ST7: variants seen among roughly 807,000 people sequenced by gnomAD.
ST7 encodes suppressor of tumorigenicity 7 protein.
In ST7, 28 loss-of-function variants were observed where a neutral mutation model predicts 78.7. The ratio of observed to expected loss-of-function variants is 0.36; its 90% CI spans 0.26 to 0.49. The LOEUF (loss-of-function observed/expected upper bound fraction) is 0.49. Among genes scored for constraint, ST7 ranks in the 20% least tolerant of loss-of-function variants. The pLI is 0.99. For synonymous variants in ST7, 247 were observed against 249.6 expected, an observed-to-expected ratio of 0.99 and a Z score of 0.10; for missense variants, 418 against 696.0, an observed-to-expected ratio of 0.60 and a Z score of 4.49.
intron 12 of ST7, chr7:117,198,483 C>T: frequency 3.1e-6 from 1 of 318,530 alleles, no homozygotes; most frequent in Non-Finnish European, 6.2e-6. Flanking sequence ...AGGGGAGGCT[C>T]TAGCATGTTC....
At chr7:117,159,693 C>T (rs538009562) in intron 9 of ST7, among the ~76,000 whole-genome samples, 13 of 152,162 alleles carry the variant, frequency 8.5e-5, no homozygotes, top group South Asian at 4.2e-4. Context: ...ATAAATAAAT[C>T]GAGTTATGTT....
intron 1 of ST7, chr7:116,972,922 C>T (rs1793506159): frequency 1.5e-6 from 2 of 1,310,536 alleles, no homozygotes; most frequent in Non-Finnish European, 2.2e-6. Context: ...GGTGCCCACT[C>T]AGCTACTGCT....
chr7:117,190,692 C>G lies in ST7; in HGVS notation c.1152-142C>G. The stretch of plus-strand genomic sequence containing the variant: ...GCTGGCCTCGGTCCGTGGGGTCACT[C>G]AGAGGTTCCATGCAGTAGAAGTTTG... On this transcript the variant is annotated intron_variant, in intron 11 of 15. Coordinates refer to ENST00000323984, the MANE Select transcript of ST7 (RefSeq NM_001369598.1). The surrounding 1 kb of genome is among the most constrained non-coding windows in gnomAD (Gnocchi z 5.2). 1.6e-6 allele frequency: 1 copy of G among 635,700 alleles called. No homozygotes were observed. The highest frequency in any genetic ancestry group is 2.7e-6 in the Non-Finnish European group (1 of 363,928). The allele number at this position is 635,700 out of a possible 1,614,324, so 39.4% of individuals were successfully genotyped here.
rs1418632756 is a variant in ST7 at position 117,222,142 on chromosome 7, GT to G, written c.1638+82del. ...ATAAAAGCAGCGTGAGAGAAATGGG[GT>G]TGCCTTACAGAAATGGGTACGAGCC... On this transcript the variant is annotated intron_variant, in intron 15 of 15. Transcript: ENST00000323984. 67 of 1,485,734 alleles carry G rather than the reference GT, an allele frequency of 4.5e-5. No individual in the cohort carries two copies. The African/African-American group carries it at 8.9e-4, about 20-fold the overall frequency. The allele number at this position is 1,485,734 out of a possible 1,614,324, so 92.0% of individuals were successfully genotyped here. A position where few individuals can be genotyped will look rare whatever the true frequency, so the allele number is the denominator to read the frequency against.
At chr7:117,099,125 T>C (rs1244224577) in intron 1 of ST7, among the ~76,000 whole-genome samples, 2 of 150,970 alleles carry the variant, frequency 1.3e-5, no homozygotes, top group African/African-American at 4.9e-5. Flanking sequence ...TAGAGGTTTA[T>C]TTTTCATTTA....
At position 117,097,909 on chromosome 7, in the gene ST7, T is replaced by TATATATATATA. The variant is rs1554436004; in HGVS notation, c.152-1853_152-1852insATATATATATA. ...ATATATATATATATATATATATATA[T>TATATATATATA]TTTTTTTTTTTTTTTTTTTGATGGC... is the stretch of plus-strand genomic sequence containing the variant. On this transcript the variant is annotated intron_variant, in intron 1 of 15. Transcript: ENST00000323984. Among the ~76,000 whole-genome samples, 75 of 15,294 alleles carry TATATATATATA rather than the reference T, an allele frequency of 4.9e-3. 1 individual carries two copies. The highest frequency in any genetic ancestry group is 8.1e-3 in the African/African-American group (39 of 4,796). The allele number at this position is 15,294 out of a possible 152,430, so 10.0% of individuals were successfully genotyped here. A position where few individuals can be genotyped will look rare whatever the true frequency, so the allele number is the denominator to read the frequency against.
intron 5 of ST7, 179 bp downstream of exon 5, chr7:117,130,785 T>C (rs1038129956): frequency 2.1e-6 from 1 of 470,324 alleles, no homozygotes; most frequent in Non-Finnish European, 3.7e-6. Flanking sequence ...ATGAAGTATT[T>C]ATGTTGAAAT....
intron 15 of ST7, chr7:117,224,001 C>T: frequency 2.1e-6 from 2 of 946,088 alleles, no homozygotes; most frequent in Non-Finnish European, 2.5e-6. Context: ...TAATCATAGC[C>T]TCTTAGAGTT....
chr7:117,071,439 T>C (rs1341249182), intron 1 of ST7, among the ~76,000 whole-genome samples: 1 of 152,244 alleles, frequency 6.6e-6, no homozygotes, highest in Non-Finnish European at 1.5e-5. Context: ...TTTAATATTC[T>C]ATGGAACTTA....
intron 10 of ST7, among the ~76,000 whole-genome samples, chr7:117,177,603 G>A (rs530653394): frequency 6.6e-6 from 1 of 152,284 alleles, no homozygotes; most frequent in African/African-American, 2.4e-5. Context: ...ATTTTTCTGG[G>A]TGTAGTTGAA....
intron 13 of ST7, among the ~76,000 whole-genome samples, chr7:117,218,323 G>T (rs1443282346): frequency 6.6e-6 from 1 of 152,108 alleles, no homozygotes; most frequent in Admixed American, 6.5e-5. Flanking sequence ...GGAACAGTGA[G>T]ACTAACATGC....
intron 1 of ST7, among the ~76,000 whole-genome samples, chr7:117,032,654 C>T (rs1350899465): frequency 6.6e-6 from 1 of 152,130 alleles, no homozygotes; most frequent in Non-Finnish European, 1.5e-5. Flanking sequence ...AGTCCTTAAA[C>T]TTGAAGCCAT....
intron 15 of ST7, among the ~76,000 whole-genome samples, chr7:117,224,470 A>G (rs1584643178): frequency 6.6e-6 from 1 of 152,304 alleles, no homozygotes; most frequent in East Asian, 1.9e-4. Context: ...AGTTGCCAAA[A>G]CTCTGAGTAG....
intron 2 of ST7, among the ~76,000 whole-genome samples, chr7:117,112,969 C>T (rs1332973102): frequency 3.3e-5 from 5 of 152,158 alleles, no homozygotes; most frequent in African/African-American, 9.7e-5. Context: ...TGATACCTCT[C>T]GTGGACTGAT....
chr7:117,159,235 A>G (rs533988844), intron 9 of ST7, among the ~76,000 whole-genome samples: 117 of 152,186 alleles, frequency 7.7e-4, no homozygotes, highest in African/African-American at 2.6e-3. Context: ...TTTTTTTCCC[A>G]TTTGAGCTCA....
chr7:117,054,600 T>G (rs964899014), intron 1 of ST7, among the ~76,000 whole-genome samples: 1 of 152,218 alleles, frequency 6.6e-6, no homozygotes, highest in African/African-American at 2.4e-5. Flanking sequence ...TCACACTTTG[T>G]CTGTGCTATA....
At chr7:116,986,816 T>C (rs1272616086) in intron 1 of ST7, among the ~76,000 whole-genome samples, 1 of 152,182 alleles carries the variant, frequency 6.6e-6, no homozygotes, top group Non-Finnish European at 1.5e-5. Flanking sequence ...GGATTAGATA[T>C]GGTTACTAAA....
At chr7:117,228,458 G>A (rs1190329608) in intron 15 of ST7, among the ~76,000 whole-genome samples, 2 of 152,156 alleles carry the variant, frequency 1.3e-5, no homozygotes, top group African/African-American at 4.8e-5. Flanking sequence ...AACACAGATT[G>A]GAGAAGGATC....
At chr7:117,034,922 T>C (rs1796798181) in intron 1 of ST7, among the ~76,000 whole-genome samples, 1 of 152,194 alleles carries the variant, frequency 6.6e-6, no homozygotes, top group African/African-American at 2.4e-5. Flanking sequence ...TTAGGATTTA[T>C]ACTAACATGC....
Sources: allele counts gnomAD v4.1 joint callset (sites outside exome capture counted in the v4.1 genomes callset), GRCh38; gene constraint gnomAD v4.1.1; non-coding constraint Gnocchi (gnomAD v3.1); transcripts MANE v1.5; gene names NCBI Gene and HGNC (gene_info 2026-07-23, HGNC 2026-07-21).